PRKG1: variants seen among roughly 807,000 people sequenced by gnomAD.
The protein encoded by PRKG1 is cGMP-dependent protein kinase 1.
PRKG1 carries 35 observed loss-of-function variants against 88.1 expected under a neutral mutation model. That is an observed-to-expected ratio of 0.40 (90% CI 0.30 to 0.53). PRKG1 has a LOEUF of 0.53. PRKG1 is among the 20% of genes least tolerant of loss of function. The probability of loss-of-function intolerance (pLI) is 0.59; values close to 1 mark genes in which losing one functional copy is unlikely to be tolerated. For missense variants in PRKG1, 540 were observed against 839.8 expected (o/e 0.64, Z 4.41); for synonymous variants, 303 against 292.5 (o/e 1.04, Z -0.37).
At chr10:51,896,645 T>TAAAAAA (rs10649150) in intron 4 of PRKG1, among the ~76,000 whole-genome samples, 26 of 94,992 alleles carry the variant, frequency 2.7e-4, no homozygotes, top group Admixed American at 5.4e-4. Flanking sequence ...CCCTGTCTCT[T>TAAAAAA]AAAAAAAAAA....
intron 1 of PRKG1, among the ~76,000 whole-genome samples, chr10:51,125,772 T>C (rs1234334897): frequency 6.9e-6 from 1 of 145,274 alleles, no homozygotes; most frequent in Non-Finnish European, 1.5e-5. Context: ...TATATATTTT[T>C]AATTTAATTA....
intron 8 of PRKG1, among the ~76,000 whole-genome samples, chr10:52,148,371 G>A (rs11000955): frequency 7.9e-5 from 12 of 152,268 alleles, no homozygotes; most frequent in African/African-American, 2.6e-4. Context: ...TTGAGAAACC[G>A]TGCTGTAAGT....
intron 3 of PRKG1, among the ~76,000 whole-genome samples, chr10:51,541,876 TAAATGTA>T (rs1282302463): frequency 6.6e-6 from 1 of 152,202 alleles, no homozygotes; most frequent in Non-Finnish European, 1.5e-5. Flanking sequence ...ATGTGCCTTA[TAAATGTA>T]AAATGTAAGA....
chr10:51,439,601 A>G (rs1203081072), intron 2 of PRKG1, among the ~76,000 whole-genome samples: 1 of 151,912 alleles, frequency 6.6e-6, no homozygotes, highest in East Asian at 1.9e-4. Context: ...AGTACAGTCA[A>G]AAAGTATAGA....
chr10:51,382,980 T>C (rs897614631), intron 2 of PRKG1, among the ~76,000 whole-genome samples: 4 of 152,102 alleles, frequency 2.6e-5, no homozygotes, highest in Non-Finnish European at 4.4e-5. Flanking sequence ...AAACACCCTC[T>C]CTAGGGAAAT....
chr10:52,219,616 G>T (rs1010887375), intron 9 of PRKG1, among the ~76,000 whole-genome samples: 1 of 149,310 alleles, frequency 6.7e-6, no homozygotes, highest in Non-Finnish European at 1.5e-5. Context: ...TAGTTGGGAA[G>T]AAATTAAATA....
At chr10:52,054,697 G>A in intron 6 of PRKG1, 136 bp downstream of exon 6, 3 of 631,948 alleles carry the variant, frequency 4.7e-6, no homozygotes, top group Non-Finnish European at 2.6e-6. Flanking sequence ...ATTAGAGAAT[G>A]GATCTTACAA....
chr10:51,572,844 T>C (rs1040912349), intron 3 of PRKG1, among the ~76,000 whole-genome samples: 1 of 151,852 alleles, frequency 6.6e-6, no homozygotes, highest in African/African-American at 2.4e-5. Flanking sequence ...TGCTTCTCTT[T>C]CAATCAAAGT....
At chr10:51,432,213 T>A (rs1838791580) in intron 2 of PRKG1, among the ~76,000 whole-genome samples, 1 of 152,202 alleles carries the variant, frequency 6.6e-6, no homozygotes, top group Admixed American at 6.5e-5. Flanking sequence ...GATAATTTTT[T>A]ATTGCTCAGA....
chr10:52,032,633 T>C (rs1845500310), intron 5 of PRKG1, among the ~76,000 whole-genome samples: 1 of 152,178 alleles, frequency 6.6e-6, no homozygotes, highest in Non-Finnish European at 1.5e-5. Context: ...AATTAATCAT[T>C]TGTATTTTTT....
intron 1 of PRKG1, among the ~76,000 whole-genome samples, chr10:51,020,249 G>A (rs1180998256): frequency 6.6e-6 from 1 of 152,158 alleles, no homozygotes; most frequent in Non-Finnish European, 1.5e-5. Context: ...CAGTCCACTT[G>A]CCTCAGTGGA....
chr10:51,970,612 G>C (rs1001591752), intron 5 of PRKG1, among the ~76,000 whole-genome samples: 10 of 148,788 alleles, frequency 6.7e-5, no homozygotes, highest in Admixed American at 6.7e-4. Flanking sequence ...TGTTTCATTT[G>C]TACTTATGCT....
chr10:51,547,038 A>G (rs1842458452), intron 3 of PRKG1, among the ~76,000 whole-genome samples: 1 of 54,800 alleles, frequency 1.8e-5, no homozygotes. Flanking sequence ...TATTATAGAT[A>G]TGTAGGTGTT....
rs557609745 is a variant in PRKG1 at position 52,042,651 on chromosome 10, A to T, written c.763-11833A>T. ...GAACATATAAGGGAAATGCTTCATT[A>T]CATTGATCTGGGCAATAATTTTTTA... On this transcript the variant is annotated intron_variant, in intron 5 of 17. Transcript: ENST00000373980. Among the ~76,000 whole-genome samples, 4 of 152,316 alleles carry T rather than the reference A, an allele frequency of 2.6e-5. No homozygotes were observed. The East Asian group carries it at 7.7e-4, about 29-fold the overall frequency.
chr10:51,069,355 C>T (rs1449359326), intron 1 of PRKG1, among the ~76,000 whole-genome samples: 1 of 151,804 alleles, frequency 6.6e-6, no homozygotes, highest in East Asian at 1.9e-4. Flanking sequence ...TTCCTTATGG[C>T]CAAATCTATC....
intron 3 of PRKG1, among the ~76,000 whole-genome samples, chr10:51,592,810 G>T (rs1838346101): frequency 6.6e-6 from 1 of 152,090 alleles, no homozygotes; most frequent in Admixed American, 6.6e-5. Flanking sequence ...TGACCAGTTT[G>T]TATGCTACAT....
intron 2 of PRKG1, among the ~76,000 whole-genome samples, chr10:51,212,928 C>A (rs1838264502): frequency 6.6e-6 from 1 of 152,136 alleles, no homozygotes. Context: ...GGATCTAGAA[C>A]TAGAAATACC....
chr10:52,059,524 A>C (rs1043588541), intron 6 of PRKG1, among the ~76,000 whole-genome samples: 1 of 151,958 alleles, frequency 6.6e-6, no homozygotes, highest in South Asian at 2.1e-4. Flanking sequence ...GAGTAAGAAA[A>C]AAAGGTCTGA....
At chr10:51,496,270 T>C (rs577435327) in intron 3 of PRKG1, among the ~76,000 whole-genome samples, 1 of 152,272 alleles carries the variant, frequency 6.6e-6, no homozygotes, top group Non-Finnish European at 1.5e-5. Context: ...CATTTTAGTG[T>C]ATAGGTGTTG....
Sources: gnomAD v4.1 joint callset for allele counts (sites outside exome capture counted in the v4.1 genomes callset) on GRCh38, gnomAD v4.1.1 for gene constraint, MANE v1.5 for transcripts, NCBI Gene and HGNC (gene_info 2026-07-23, HGNC 2026-07-21) for gene names.